CAPN13: variants seen among roughly 807,000 people sequenced by gnomAD.
The protein encoded by CAPN13 is calpain 13.
CAPN13 carries 90 observed loss-of-function variants against 98.4 expected under a neutral mutation model. The ratio of observed to expected loss-of-function variants is 0.92; its 90% CI spans 0.77 to 1.09. The LOEUF is 1.09. Ranked by LOEUF, CAPN13 falls within the 50% of genes least tolerant of loss-of-function variation. CAPN13 has a pLI of 0.00. For synonymous variants in CAPN13, 330 were observed against 305.5 expected (o/e 1.08, Z -0.84); for missense variants, 887 against 841.3 (o/e 1.05, Z -0.67).
At chr2:30,745,613 C>T in intron 12 of CAPN13, 110 bp downstream of exon 12, 2 of 1,083,942 alleles carry the variant, frequency 1.8e-6, no homozygotes, top group Non-Finnish European at 2.7e-6. Context: ...CTTAGCGAGA[C>T]TGAATTTGCA....
chr2:30,780,608 T>C (rs1197963146), intron 2 of CAPN13, among the ~76,000 whole-genome samples: 2 of 152,214 alleles, frequency 1.3e-5, no homozygotes, highest in African/African-American at 4.8e-5. Context: ...GTGATGAAAA[T>C]TCAATGGTGA....
chr2:30,736,502 C>T lies in CAPN13; in HGVS notation c.1722+1G>A. On this transcript the variant is annotated splice_donor_variant, in intron 18 of 22. Coordinates refer to ENST00000295055, the MANE Select transcript of CAPN13 (RefSeq NM_144575.3). LOFTEE classifies it high-confidence loss of function. ...GCTAGTCACAGAGAATGTGCCCGTACCTGGTAGTGAACAAGGCGCTTCCAC... is the reference window on the plus strand; with the variant it reads ...GCTAGTCACAGAGAATGTGCCCGTATCTGGTAGTGAACAAGGCGCTTCCAC... 6.2e-7 allele frequency: 1 copy of T among 1,613,924 alleles called. No homozygotes were observed. The highest frequency in any genetic ancestry group is 1.3e-5 in the African/African-American group (1 of 75,042).
At chr2:30,744,720 G>T (rs192034830) in intron 12 of CAPN13, among the ~76,000 whole-genome samples, 18 of 152,306 alleles carry the variant, frequency 1.2e-4, no homozygotes, top group Non-Finnish European at 2.4e-4. Flanking sequence ...AAGTGTGAGT[G>T]TGGGGGAACA....
chr2:30,734,766 G>A (rs1202136552), intron 18 of CAPN13, among the ~76,000 whole-genome samples: 1 of 152,180 alleles, frequency 6.6e-6, no homozygotes, highest in Admixed American at 6.5e-5. Context: ...ACTGGGCCCT[G>A]ACACATAGGG....
intron 22 of CAPN13, among the ~76,000 whole-genome samples, chr2:30,726,118 G>A (rs975786027): frequency 2.0e-5 from 3 of 152,208 alleles, no homozygotes; most frequent in African/African-American, 7.2e-5. Context: ...GTTTCGCTTT[G>A]TGCTAAGGAA....
At chr2:30,768,923 A>G (rs1005390957) in intron 5 of CAPN13, among the ~76,000 whole-genome samples, 4 of 151,930 alleles carry the variant, frequency 2.6e-5, no homozygotes, top group East Asian at 3.9e-4. Flanking sequence ...GGATGTGGGG[A>G]TCCAGGAACC....
chr2:30,795,451 C>T (rs1197660587), intron 1 of CAPN13, among the ~76,000 whole-genome samples: 1 of 152,050 alleles, frequency 6.6e-6, no homozygotes, highest in African/African-American at 2.4e-5. Flanking sequence ...TATTTGTACC[C>T]ATCACGTGGG....
intron 11 of CAPN13, 128 bp from the exon 12 acceptor site, chr2:30,745,862 G>T (rs1187795799): frequency 1.1e-4 from 55 of 503,770 alleles, no homozygotes; most frequent in Non-Finnish European, 1.5e-4. Context: ...CTCTTTTAAA[G>T]AATTTATTTT....
rs374047245 is a variant in CAPN13 at position 30,764,225 on chromosome 2, G to A, written c.606C>T (p.Asn202=). The A allele has an allele frequency of 1.9e-6, 3 of 1,613,166 alleles. No individual in the cohort carries two copies. The highest frequency in any genetic ancestry group is 1.1e-5 in the South Asian group (1 of 90,688). The change falls in exon 6 of 23, where the codon AAC becomes AAT. Residue 202 remains asparagine (N), a synonymous_variant. Coordinates refer to ENST00000295055, the MANE Select transcript of CAPN13 (RefSeq NM_144575.3). ...LVDLTGGVIT[N]IHLHSSPVDL... is the part of the protein sequence containing the mutation. Reference sequence around the variant, plus strand: ...CCACAGGGGAAGAGTGCAGATGGATGTTGGTGATCACGCCTCCTGTGAGGT... The same window carrying A: ...CCACAGGGGAAGAGTGCAGATGGATATTGGTGATCACGCCTCCTGTGAGGT...
chr2:30,772,463 A>G (rs1673460508), intron 4 of CAPN13, among the ~76,000 whole-genome samples: 1 of 152,182 alleles, frequency 6.6e-6, no homozygotes. Flanking sequence ...CCAAAAGGGC[A>G]AAGCGAGTCC....
At chr2:30,724,954 C>A (rs1670805398) in intron 22 of CAPN13, among the ~76,000 whole-genome samples, 2 of 152,154 alleles carry the variant, frequency 1.3e-5, no homozygotes, top group Non-Finnish European at 2.9e-5. Context: ...TCATATTTCA[C>A]CTAAATCCTG....
At chr2:30,789,103 A>C (rs1674475140) in intron 1 of CAPN13, among the ~76,000 whole-genome samples, 1 of 152,148 alleles carries the variant, frequency 6.6e-6, no homozygotes, top group Non-Finnish European at 1.5e-5. Flanking sequence ...ATGTCTCACC[A>C]CTCAAAATAG....
rs764478586 is a variant in CAPN13 at position 30,754,289 on chromosome 2, C to T, written c.941+1G>A. The T allele has an allele frequency of 4.4e-6, 7 of 1,602,056 alleles. No individual in the cohort carries two copies. The highest frequency in any genetic ancestry group is 1.3e-5 in the African/African-American group (1 of 74,610). Reference sequence around the variant, plus strand: ...CACCATTGTATAAGAAGGGTAAATACCAAAACTCGCCATCTTCCCGTTTCT... The same window carrying T: ...CACCATTGTATAAGAAGGGTAAATATCAAAACTCGCCATCTTCCCGTTTCT... On this transcript the variant is annotated splice_donor_variant, in intron 9 of 22. Coordinates refer to ENST00000295055, the MANE Select transcript of CAPN13 (RefSeq NM_144575.3). LOFTEE classifies it high-confidence loss of function.
Position 30,738,298 on chromosome 2 carries a change from G to A in CAPN13, c.1595-5C>T. The A allele has an allele frequency of 1.2e-6, 2 of 1,613,924 alleles. No individual in the cohort carries two copies. Among genetic ancestry groups the A allele is most frequent in the Non-Finnish European group, 1.7e-6 (2 of 1,179,826 alleles). ...AGAACATGTCCCCTGGAGGTCCTGAGGAGAGAAGGACAGGAAGGACTGAAG... is the reference window on the plus strand; with the variant it reads ...AGAACATGTCCCCTGGAGGTCCTGAAGAGAGAAGGACAGGAAGGACTGAAG... On this transcript the variant is annotated splice_polypyrimidine_tract_variant and splice_region_variant and intron_variant, in intron 16 of 22. Transcript: ENST00000295055.
At chr2:30,723,262 T>G (rs1162954334) in intron 22 of CAPN13, 26 bp from the exon 23 acceptor site, 2 of 152,310 alleles carry the variant, frequency 1.3e-5, no homozygotes, top group African/African-American at 4.8e-5. Context: ...GGGGTGCAAA[T>G]GCAGAGGGCC....
chr2:30,806,938 G>C (rs1011771812), intron 1 of CAPN13, among the ~76,000 whole-genome samples: 2 of 152,166 alleles, frequency 1.3e-5, no homozygotes, highest in Non-Finnish European at 2.9e-5. Context: ...GCACAAAGAA[G>C]ACATGATTTC....
intron 22 of CAPN13, 56 bp from the exon 23 acceptor site, chr2:30,723,292 C>T (rs1259141749): frequency 1.3e-5 from 2 of 152,230 alleles, no homozygotes; most frequent in African/African-American, 4.8e-5. Flanking sequence ...TAAAGAAACT[C>T]CTTCCTTTGA....
intron 7 of CAPN13, among the ~76,000 whole-genome samples, chr2:30,762,043 A>G (rs995331036): frequency 3.3e-5 from 5 of 152,326 alleles, no homozygotes; most frequent in Middle Eastern, 3.4e-3. Flanking sequence ...TGTTGTGGGA[A>G]ATACAGAGAT....
chr2:30,727,291 G>A (rs1670890323), intron 22 of CAPN13, among the ~76,000 whole-genome samples: 1 of 152,068 alleles, frequency 6.6e-6, no homozygotes. Context: ...AAAAATATGT[G>A]ACAAAAGAAA....
Sources: gnomAD v4.1 joint callset for allele counts (sites outside exome capture counted in the v4.1 genomes callset) on GRCh38, gnomAD v4.1.1 for gene constraint, MANE v1.5 for transcripts, NCBI Gene and HGNC (gene_info 2026-07-23, HGNC 2026-07-21) for gene names.